The following MFAP2 variants were observed in gnomAD, a reference collection of about 807,000 sequenced individuals.
MFAP2 encodes microfibril associated protein 2.
A neutral mutation model predicts 30.6 loss-of-function variants in MFAP2; 23 were observed. The observed-to-expected ratio is 0.75, with a 90% CI of 0.54 to 1.07. The LOEUF is 1.07. Ranked by LOEUF, MFAP2 falls within the 50% of genes least tolerant of loss-of-function variation. The probability of loss-of-function intolerance (pLI) is 0.00; values close to 1 mark genes in which losing one functional copy is unlikely to be tolerated. For missense variants in MFAP2, 198 were observed against 223.8 expected (o/e 0.88, Z 0.74); for synonymous variants, 73 against 85.7 (o/e 0.85, Z 0.82).
intron 1 of MFAP2, among the ~76,000 whole-genome samples, 197 bp downstream of exon 1, chr1:16,980,390 C>T (rs974454370): frequency 2.6e-5 from 4 of 151,840 alleles, no homozygotes; most frequent in Admixed American, 2.6e-4. Flanking sequence ...TCCCAATTCG[C>T]GTTCTCTCTG....
At position 16,977,090 on chromosome 1, in the gene MFAP2, G is replaced by A; in HGVS notation, c.127+19C>T. On this transcript the variant is annotated intron_variant, in intron 3 of 8. Transcript: ENST00000375535. ...CACATCTGAGCAGCCAGGCCTCGGTGACCCGGCAAGGCCCTTACCGATCTG... is the reference window on the plus strand; with the variant it reads ...CACATCTGAGCAGCCAGGCCTCGGTAACCCGGCAAGGCCCTTACCGATCTG... 1 of 1,613,776 alleles carries A rather than the reference G, an allele frequency of 6.2e-7. No homozygotes were observed. Among genetic ancestry groups the A allele is most frequent in the Non-Finnish European group, 8.5e-7 (1 of 1,179,908 alleles).
chr1:16,977,359 A>G, intron 2 of MFAP2, 161 bp from the exon 3 acceptor site: 1 of 680,230 alleles, frequency 1.5e-6, no homozygotes, highest in Admixed American at 2.9e-5. Flanking sequence ...TCGATGGTAA[A>G]GACCCTTCCC....
rs1179752286 is a variant in MFAP2 at position 16,974,635 on chromosome 1, G to A, written c.*285C>T. On this transcript the variant is annotated 3_prime_UTR_variant, in exon 9 of 9. Coordinates refer to ENST00000375535, the MANE Select transcript of MFAP2 (RefSeq NM_002403.4). ...TCGGGGGACTGTCTGTCCTCAAAAC[G>A]GGCTGAGAAGGCCCGTCAGGGGCCC... 5.4e-5 allele frequency: 2 copies of A among 37,270 alleles called. No homozygotes were observed. Among genetic ancestry groups the A allele is most frequent in the Admixed American group, 6.7e-4 (2 of 2,996 alleles). The allele number at this position is 37,270 out of a possible 1,614,324, so 2.3% of individuals were successfully genotyped here. A position where few individuals can be genotyped will look rare whatever the true frequency, so the allele number is the denominator to read the frequency against.
Position 16,975,317 on chromosome 1 carries a change from T to C in MFAP2, c.400A>G (p.Lys134Glu), listed in dbSNP as rs374014467. The C allele has an allele frequency of 1.8e-5, 29 of 1,613,842 alleles. No homozygotes were observed. Among genetic ancestry groups the C allele is most frequent in the Non-Finnish European group, 2.5e-5 (29 of 1,179,932 alleles). Reference sequence around the variant, plus strand: ...CACACTGTACGAACACAGATCTCCTTGTTAATGACGTACACACGGCGGAGG... The same window carrying C: ...CACACTGTACGAACACAGATCTCCTCGTTAATGACGTACACACGGCGGAGG... ...YSLRRVYVIN[K>E]EICVRTVCAH... is the part of the protein sequence containing the mutation. Residue 134 changes from lysine to glutamate, a missense_variant, in exon 8 of 9, where the codon AAG becomes GAG. Transcript: ENST00000375535. This position sits in a 1 kb window ranked among gnomAD's most constrained non-coding sequence, Gnocchi z 5.0.
rs2076630507 is a variant in MFAP2 at position 16,980,583 on chromosome 1, C to T, written c.-42+4G>A. 6.6e-6 allele frequency: 1 copy of T among 152,134 alleles called. No individual in the cohort carries two copies. The highest frequency in any genetic ancestry group is 2.4e-5 in the African/African-American group (1 of 41,382). The allele number at this position is 152,134 out of a possible 1,614,324, so 9.4% of individuals were successfully genotyped here. ...GGGCCCCCAAGCGCCAGGCCCGCGC[C>T]TACCTGTCCGGGTCACTCCGCCGCC... On this transcript the variant is annotated splice_donor_region_variant and intron_variant, in intron 1 of 8. Coordinates refer to ENST00000375535, the MANE Select transcript of MFAP2 (RefSeq NM_002403.4).
At chr1:16,978,109 G>T in intron 2 of MFAP2, 128 bp downstream of exon 2, 2 of 1,040,048 alleles carry the variant, frequency 1.9e-6, no homozygotes, top group Non-Finnish European at 2.8e-6. Flanking sequence ...CAGGCAGAAG[G>T]CCCTGGGAGC....
At position 16,976,871 on chromosome 1, in the gene MFAP2, G is replaced by C; in HGVS notation, c.154+26C>G. 6.2e-7 allele frequency: 1 copy of C among 1,614,114 alleles called. No homozygotes were observed. The highest frequency in any genetic ancestry group is 1.1e-5 in the South Asian group (1 of 91,088). ...GTCTCCCCACCCCAGCTGCCGGCCC[G>C]TCCTATCCTACCCCTAGCCCGTTAC... On this transcript the variant is annotated intron_variant, in intron 4 of 8. Transcript: ENST00000375535. This position sits in a 1 kb window ranked among gnomAD's most constrained non-coding sequence, Gnocchi z 5.5.
In MFAP2 at chr1:16,975,785, T is replaced by C. The variant is rs958036363; in HGVS notation, c.287-55A>G. The C allele has an allele frequency of 2.1e-5, 32 of 1,516,384 alleles. No individual in the cohort carries two copies. Among genetic ancestry groups the C allele is most frequent in the Non-Finnish European group, 2.5e-5 (28 of 1,100,690 alleles). The allele number at this position is 1,516,384 out of a possible 1,614,324, so 93.9% of individuals were successfully genotyped here. ...CCAGAGTGGGGGGCGGCCCCCAGCC[T>C]CACCCACCTGAGGCTGGCTCACAGG... On this transcript the variant is annotated intron_variant, in intron 6 of 8. Transcript: ENST00000375535. This position sits in a 1 kb window ranked among gnomAD's most constrained non-coding sequence, Gnocchi z 5.0.
chr1:16,978,407 G>A, intron 1 of MFAP2, 93 bp from the exon 2 acceptor site: 4 of 1,087,058 alleles, frequency 3.7e-6, no homozygotes, highest in Non-Finnish European at 5.3e-6. Flanking sequence ...TGGAGAAGGT[G>A]GCACCCAGAA....
chr1:16,981,538 G>A (rs892707955), upstream of MFAP2, among the ~76,000 whole-genome samples: 3 of 152,128 alleles, frequency 2.0e-5, no homozygotes, highest in East Asian at 1.9e-4. Flanking sequence ...TTGTGACTCC[G>A]TTCACTGCTC....
At chr1:16,979,780 C>T (rs1269663623) in intron 1 of MFAP2, among the ~76,000 whole-genome samples, 1 of 152,204 alleles carries the variant, frequency 6.6e-6, no homozygotes, top group East Asian at 1.9e-4. Flanking sequence ...GGGGAGTCTT[C>T]CTCCCCTAGG....
Position 16,975,077 on chromosome 1 carries a change from G to A in MFAP2, c.449-54C>T, listed in dbSNP as rs1407575462. On this transcript the variant is annotated intron_variant, in intron 8 of 8. Transcript: ENST00000375535. This position sits in a 1 kb window ranked among gnomAD's most constrained non-coding sequence, Gnocchi z 5.0. The stretch of plus-strand genomic sequence containing the variant: ...AGGGTGGAGCTGGGTGATGGGAACC[G>A]CTGCCCCTCCCCCAACTCTGGTGAT... The A allele has an allele frequency of 1.5e-5, 19 of 1,268,878 alleles. No homozygotes were observed. The highest frequency in any genetic ancestry group is 1.4e-4 in the Admixed American group (7 of 50,386). The allele number at this position is 1,268,878 out of a possible 1,614,324, so 78.6% of individuals were successfully genotyped here.
chr1:16,980,188 CTT>C (rs1316009622), intron 1 of MFAP2, among the ~76,000 whole-genome samples: 1 of 151,866 alleles, frequency 6.6e-6, no homozygotes, highest in East Asian at 1.9e-4. Flanking sequence ...GCCGCGGAAA[CTT>C]GCTCCGCGCG....
At chr1:16,980,669 C>G (rs1278961953), upstream of MFAP2, 2 of 152,408 alleles carry the variant, frequency 1.3e-5, no homozygotes, top group Admixed American at 6.5e-5. Flanking sequence ...CTCCGGGCCC[C>G]CGACGGGGCT....
At position 16,976,333 on chromosome 1, in the gene MFAP2, G is replaced by C; in HGVS notation, c.286+168C>G. On this transcript the variant is annotated intron_variant, in intron 6 of 8. Coordinates refer to ENST00000375535, the MANE Select transcript of MFAP2 (RefSeq NM_002403.4). The surrounding 1 kb of genome is among the most constrained non-coding windows in gnomAD (Gnocchi z 5.5). Reference sequence around the variant, plus strand: ...CTGGGGACAGGTGGGACCTCCTGGAGCTGCCTGGGGGGCCTGGTGATGCCA... The same window carrying C: ...CTGGGGACAGGTGGGACCTCCTGGACCTGCCTGGGGGGCCTGGTGATGCCA... 1 of 828,232 alleles carries C rather than the reference G, an allele frequency of 1.2e-6. No individual in the cohort carries two copies. Among genetic ancestry groups the C allele is most frequent in the East Asian group, 2.5e-5 (1 of 39,656 alleles). 51.3% of individuals were successfully genotyped at this position (828,232 alleles called of 1,614,324 possible).
upstream of MFAP2, among the ~76,000 whole-genome samples, chr1:16,981,247 T>G (rs1201468600): frequency 3.9e-5 from 6 of 152,228 alleles, no homozygotes; most frequent in African/African-American, 1.2e-4. Context: ...CCTCCTGGGC[T>G]GTTGGGATTA....
chr1:16,975,275 G>A lies in MFAP2; in HGVS notation c.442C>T (p.Leu148Phe). Reference protein sequence around the residue: ...VRTVCAHEELLRADLCRDKFS... With the variant: ...VRTVCAHEELFRADLCRDKFS... ...GGGGAGGTGGCCTTCCTACCTCGGA[G>A]GAGCTCCTCATGGGCACACACTGTA... is the stretch of plus-strand genomic sequence containing the variant. The change falls in exon 8 of 9, where the codon CTC becomes TTC. Residue 148 changes from leucine to phenylalanine, a missense_variant. Transcript: ENST00000375535. The surrounding 1 kb of genome is among the most constrained non-coding windows in gnomAD (Gnocchi z 5.0). 1.2e-6 allele frequency: 2 copies of A among 1,613,642 alleles called. No homozygotes were observed. The highest frequency in any genetic ancestry group is 8.5e-7 in the Non-Finnish European group (1 of 1,179,720).
In MFAP2 at chr1:16,976,278, G is replaced by A. The variant is rs558788406; in HGVS notation, c.286+223C>T. On this transcript the variant is annotated intron_variant, in intron 6 of 8. Coordinates refer to ENST00000375535, the MANE Select transcript of MFAP2 (RefSeq NM_002403.4). This position sits in a 1 kb window ranked among gnomAD's most constrained non-coding sequence, Gnocchi z 5.5. ...ATCTGTGAGGTCAGGGGCCTTCCTA[G>A]GCTGCCAATTTAGCCTCCAGCCAGG... 5 of 617,746 alleles carry A rather than the reference G, an allele frequency of 8.1e-6. No individual in the cohort carries two copies. Among genetic ancestry groups the A allele is most frequent in the Non-Finnish European group, 1.1e-5 (4 of 349,060 alleles). The allele number at this position is 617,746 out of a possible 1,614,324, so 38.3% of individuals were successfully genotyped here.
Position 16,974,989 on chromosome 1 carries a change from G to T in MFAP2, c.483C>A (p.Gly161=), listed in dbSNP as rs768159289. ...DLCRDKFSKC[G]VMASSGLCQS... ...GGCACAGGCCGCTGCTGGCCATCAC[G>T]CCACATTTGGAGAACTTGTCCCGAC... Residue 161 remains glycine (G), a synonymous_variant, in exon 9 of 9, where the codon GGC becomes GGA. Transcript: ENST00000375535. 3 of 1,006,988 alleles carry T rather than the reference G, an allele frequency of 3.0e-6. No homozygotes were observed. The East Asian group carries it at 7.9e-5, about 26-fold the overall frequency. The allele number at this position is 1,006,988 out of a possible 1,614,324, so 62.4% of individuals were successfully genotyped here.
Sources: allele counts gnomAD v4.1 joint callset (sites outside exome capture counted in the v4.1 genomes callset), GRCh38; gene constraint gnomAD v4.1.1; non-coding constraint Gnocchi (gnomAD v3.1); transcripts MANE v1.5; gene names NCBI Gene and HGNC (gene_info 2026-07-23, HGNC 2026-07-21).